Variants in ALOX5 observed in about 807,000 individuals in gnomAD.
ALOX5 encodes polyunsaturated fatty acid 5-lipoxygenase.
A neutral mutation model predicts 87.9 loss-of-function variants in ALOX5; 64 were observed. That is an observed-to-expected ratio of 0.73 (90% CI 0.60 to 0.90). ALOX5 has a LOEUF of 0.90. Among genes scored for constraint, ALOX5 ranks in the 40% least tolerant of loss-of-function variants. The pLI is 0.00. For synonymous variants in ALOX5, 388 were observed against 355.1 expected, an observed-to-expected ratio of 1.09 and a Z score of -1.04; for missense variants, 822 against 907.5, an observed-to-expected ratio of 0.91 and a Z score of 1.21.
At chr10:45,374,965 C>T (rs148915484) in intron 1 of ALOX5, among the ~76,000 whole-genome samples, 133 of 152,220 alleles carry the variant, frequency 8.7e-4, no homozygotes, top group Non-Finnish European at 1.3e-3. Flanking sequence ...CCAGACATGA[C>T]CACCAGCTCA....
chr10:45,393,605 G>A (rs1489855210), intron 2 of ALOX5, among the ~76,000 whole-genome samples: 1 of 152,172 alleles, frequency 6.6e-6, no homozygotes, highest in East Asian at 1.9e-4. Flanking sequence ...TCTGGCCAGG[G>A]CAATCAGGCA....
chr10:45,426,291 T>TG (rs150761803), intron 6 of ALOX5, among the ~76,000 whole-genome samples: 9,456 of 152,264 alleles, frequency 0.062, 758 homozygotes, highest in African/African-American at 0.19. Context: ...CCTCAGCACC[T>TG]GGCAGGGCAT....
intron 3 of ALOX5, among the ~76,000 whole-genome samples, chr10:45,398,601 A>G (rs1463810537): frequency 6.6e-6 from 1 of 152,242 alleles, no homozygotes; most frequent in Non-Finnish European, 1.5e-5. Flanking sequence ...TACAAATTGT[A>G]TATCTGATAA....
At chr10:45,396,611 A>G (rs1458206249) in intron 3 of ALOX5, among the ~76,000 whole-genome samples, 1 of 152,226 alleles carries the variant, frequency 6.6e-6, no homozygotes, top group Non-Finnish European at 1.5e-5. Flanking sequence ...CCACAAATAG[A>G]AGCCCAGACC....
At chr10:45,419,178 G>GC (rs1841410358) in intron 4 of ALOX5, among the ~76,000 whole-genome samples, 1 of 152,258 alleles carries the variant, frequency 6.6e-6, no homozygotes, top group Admixed American at 6.5e-5. Flanking sequence ...CTGTCAGGCC[G>GC]CGCGGAGGCT....
Position 45,395,883 on chromosome 10 carries a change from C to T in ALOX5, c.378C>T (p.His126=), listed in dbSNP as rs1840481957. Residue 126 remains histidine (H), a synonymous_variant, in exon 3 of 14, where the codon CAC becomes CAT. Coordinates refer to ENST00000374391, the MANE Select transcript of ALOX5 (RefSeq NM_000698.5). ...AGTTGGCCCGAGATGACCAAATTCA[C>T]ATTCTCAAGCAACACCGACGTAAAG... ...RAKLARDDQI[H]ILKQHRRKEL... is the part of the protein sequence containing the mutation. The T allele has an allele frequency of 3.1e-6, 5 of 1,614,232 alleles. No homozygotes were observed.
At position 45,420,831 on chromosome 10, in the gene ALOX5, T is replaced by A. The variant is rs1031364081; in HGVS notation, c.555-3210T>A. 6.6e-5 allele frequency among the ~76,000 whole-genome samples: 10 copies of A among 152,220 alleles called. 1 individual carries two copies. The highest frequency in any genetic ancestry group is 8.8e-5 in the Non-Finnish European group (6 of 68,036). The stretch of plus-strand genomic sequence containing the variant: ...CAGGGAGACAGAGGTTAGGTGAACC[T>A]CAATGGCCTCATTAAAGCAAATTGA... On this transcript the variant is annotated intron_variant, in intron 4 of 13. Transcript: ENST00000374391.
intron 2 of ALOX5, among the ~76,000 whole-genome samples, chr10:45,394,898 A>T (rs892532868): frequency 3.9e-5 from 6 of 152,254 alleles, no homozygotes; most frequent in Non-Finnish European, 7.3e-5. Context: ...AATCAAAACC[A>T]TAATGATATA....
chr10:45,401,419 A>G lies in ALOX5; in HGVS notation c.431+5483A>G, dbSNP rs1039389642. On this transcript the variant is annotated intron_variant, in intron 3 of 13. Coordinates refer to ENST00000374391, the MANE Select transcript of ALOX5 (RefSeq NM_000698.5). ...AGAAAAATACCTATTTTCTGTATGAATTATGAATTTTATGAACTTTTTCAT... is the reference window on the plus strand; with the variant it reads ...AGAAAAATACCTATTTTCTGTATGAGTTATGAATTTTATGAACTTTTTCAT... Among the ~76,000 whole-genome samples the G allele has an allele frequency of 3.3e-5, 5 of 152,318 alleles. No individual in the cohort carries two copies. The South Asian group carries it at 1.0e-3, about 32-fold the overall frequency.
chr10:45,417,938 C>T (rs984243034), intron 4 of ALOX5, among the ~76,000 whole-genome samples: 2 of 152,214 alleles, frequency 1.3e-5, no homozygotes, highest in African/African-American at 4.8e-5. Context: ...CCCTGTACTC[C>T]CCAGTGCCGC....
chr10:45,396,732 C>T (rs1169529337), intron 3 of ALOX5, among the ~76,000 whole-genome samples: 1 of 152,168 alleles, frequency 6.6e-6, no homozygotes, highest in Non-Finnish European at 1.5e-5. Flanking sequence ...GTCTCATACC[C>T]ATATTATACC....
At chr10:45,418,543 T>C (rs1841382633) in intron 4 of ALOX5, among the ~76,000 whole-genome samples, 1 of 152,164 alleles carries the variant, frequency 6.6e-6, no homozygotes, top group South Asian at 2.1e-4. Context: ...GCCCCTGCGC[T>C]TGCAGGGTGG....
At chr10:45,388,897 C>T (rs182953869) in intron 2 of ALOX5, among the ~76,000 whole-genome samples, 191 of 152,218 alleles carry the variant, frequency 1.3e-3, no homozygotes, top group African/African-American at 4.3e-3. Context: ...CTTCTCCCAG[C>T]TAAAGAAGGA....
chr10:45,390,909 T>A (rs1376127618), intron 2 of ALOX5, among the ~76,000 whole-genome samples: 2 of 152,022 alleles, frequency 1.3e-5, no homozygotes, highest in African/African-American at 4.8e-5. Flanking sequence ...AGGAGCTGAT[T>A]TTTTGAAAGG....
At chr10:45,435,357 T>C (rs12765320) in intron 7 of ALOX5, among the ~76,000 whole-genome samples, 36,169 of 151,800 alleles carry the variant, frequency 0.24, 4,826 homozygotes, top group African/African-American at 0.36. Flanking sequence ...AGGCTTCTAT[T>C]GAACCCATCA....
chr10:45,383,765 C>G (rs1160499203), intron 2 of ALOX5, among the ~76,000 whole-genome samples: 1 of 152,164 alleles, frequency 6.6e-6, no homozygotes, highest in Non-Finnish European at 1.5e-5. Flanking sequence ...AACCAAATTT[C>G]CAGAATATTT....
At chr10:45,439,567 C>T (rs1842162328) in intron 7 of ALOX5, among the ~76,000 whole-genome samples, 2 of 152,190 alleles carry the variant, frequency 1.3e-5, no homozygotes, top group Non-Finnish European at 2.9e-5. Flanking sequence ...GCTGGGCTCT[C>T]AATAAGGGGG....
chr10:45,391,007 C>CCCA, intron 2 of ALOX5, among the ~76,000 whole-genome samples: 1 of 25,770 alleles, frequency 3.9e-5, no homozygotes, highest in African/African-American at 1.7e-4. Flanking sequence ...CCTCTCCCCT[C>CCCA]TCTCCTCTCC....
At chr10:45,419,655 G>T (rs974584939) in intron 4 of ALOX5, among the ~76,000 whole-genome samples, 5 of 152,398 alleles carry the variant, frequency 3.3e-5, no homozygotes, top group African/African-American at 9.6e-5. Flanking sequence ...CCGAGCGGGA[G>T]GATCGCTTGA....
Sources: gnomAD v4.1 joint callset for allele counts (sites outside exome capture counted in the v4.1 genomes callset) on GRCh38, gnomAD v4.1.1 for gene constraint, MANE v1.5 for transcripts, NCBI Gene and HGNC (gene_info 2026-07-23, HGNC 2026-07-21) for gene names.